The following PPP4R3B variants were observed in gnomAD, a reference collection of about 807,000 sequenced individuals.
PPP4R3B encodes the protein serine/threonine-protein phosphatase 4 regulatory subunit 3B.
Under a neutral mutation model 95.4 loss-of-function variants are expected in PPP4R3B, and 52 were observed. The ratio of observed to expected loss-of-function variants is 0.54; its 90% confidence interval spans 0.44 to 0.69. PPP4R3B has a LOEUF of 0.69. Among genes scored for constraint, PPP4R3B ranks in the 30% least tolerant of loss-of-function variants. PPP4R3B has a pLI of 0.00. For missense variants in PPP4R3B, 1,003 were observed against 1,005.9 expected (o/e 1.00, Z 0.04); for synonymous variants, 407 against 343.9 (o/e 1.18, Z -2.03).
intron 16 of PPP4R3B, among the ~76,000 whole-genome samples, chr2:55,554,140 T>C (rs897287991): frequency 2.0e-5 from 3 of 152,154 alleles, no homozygotes; most frequent in Admixed American, 6.5e-5. Context: ...TCTCGGCTTA[T>C]TGCAACCTCT....
chr2:55,560,872 A>G (rs1378439284), intron 15 of PPP4R3B, among the ~76,000 whole-genome samples: 1 of 151,754 alleles, frequency 6.6e-6, no homozygotes, highest in Non-Finnish European at 1.5e-5. Context: ...AGATGGTCTG[A>G]AATTAGAATT....
At chr2:55,552,631 T>G (rs913965824) in intron 16 of PPP4R3B, among the ~76,000 whole-genome samples, 1 of 152,172 alleles carries the variant, frequency 6.6e-6, no homozygotes, top group Admixed American at 6.5e-5. Context: ...TGGCCTCAAG[T>G]GATCTGCCCA....
intron 16 of PPP4R3B, among the ~76,000 whole-genome samples, chr2:55,557,734 G>A (rs1285541272): frequency 2.0e-5 from 3 of 151,952 alleles, no homozygotes; most frequent in African/African-American, 4.8e-5. Context: ...CTACCACGGT[G>A]TTTCTGCTTG....
intron 2 of PPP4R3B, among the ~76,000 whole-genome samples, chr2:55,610,635 TATA>T (rs1372158286): frequency 6.6e-6 from 1 of 152,226 alleles, no homozygotes; most frequent in East Asian, 1.9e-4. Flanking sequence ...ATACCTGCTG[TATA>T]ATCTCAGTCA....
intron 4 of PPP4R3B, among the ~76,000 whole-genome samples, chr2:55,590,320 T>G (rs1015392527): frequency 2.6e-5 from 4 of 152,026 alleles, no homozygotes; most frequent in African/African-American, 9.7e-5. Flanking sequence ...AGAGTGAAAC[T>G]CCGTCTCAAC....
At chr2:55,606,593 G>C (rs867653692) in intron 2 of PPP4R3B, among the ~76,000 whole-genome samples, 2 of 151,690 alleles carry the variant, frequency 1.3e-5, no homozygotes, top group Non-Finnish European at 2.9e-5. Flanking sequence ...AGGCCGAGGC[G>C]GGCGGATCAC....
intron 2 of PPP4R3B, among the ~76,000 whole-genome samples, chr2:55,610,249 G>A (rs924170818): frequency 6.6e-6 from 1 of 152,064 alleles, no homozygotes; most frequent in Non-Finnish European, 1.5e-5. Context: ...TATTGCAAAA[G>A]GTCTTGCTAC....
chr2:55,554,912 G>A (rs1428779418), intron 16 of PPP4R3B, among the ~76,000 whole-genome samples: 1 of 152,124 alleles, frequency 6.6e-6, no homozygotes, highest in East Asian at 1.9e-4. Flanking sequence ...TTTGAGAGGA[G>A]TTTTGGATAT....
chr2:55,578,948 G>A (rs187328671), intron 9 of PPP4R3B, among the ~76,000 whole-genome samples: 86 of 152,166 alleles, frequency 5.7e-4, no homozygotes, highest in South Asian at 8.3e-4. Flanking sequence ...TAACATATGA[G>A]ACTGATGAAA....
At position 55,549,986 on chromosome 2, in the gene PPP4R3B, C is replaced by T. The variant is rs1438722279; in HGVS notation, c.2475G>A (p.Val825=). 2 of 1,608,310 alleles carry T rather than the reference C, an allele frequency of 1.2e-6. No individual in the cohort carries two copies. Among genetic ancestry groups the T allele is most frequent in the East Asian group, 2.2e-5 (1 of 44,770 alleles). Residue 825 remains valine (V), a synonymous_variant, in exon 17 of 17, where the codon GTG becomes GTA. Coordinates refer to ENST00000616407, the MANE Select transcript of PPP4R3B (RefSeq NM_001122964.3). ...TATKGSLVGL[V]DYPDDEEEDE... is the part of the protein sequence containing the mutation. ...CTTCCTCTTCATCATCTGGATAATC[C>T]ACTAAGCCAACCAAACTTCCCTATT... is the stretch of plus-strand genomic sequence containing the variant.
rs1333171476 is a variant in PPP4R3B at position 55,617,194 on chromosome 2, T to C, written c.92A>G (p.Tyr31Cys). The change falls in exon 1 of 17, where the codon TAC becomes TGC. Residue 31 changes from tyrosine (Y) to cysteine (C), a missense_variant. Tyr to Cys is a radical substitution (Grantham distance 194, BLOSUM62 -2). Coordinates refer to ENST00000616407, the MANE Select transcript of PPP4R3B (RefSeq NM_001122964.3). ...CGACATCCCCTTGAGCTCCTCCACG[T>C]AAGTGGAGGAGACGTGCCCGGTGCC... ...DRGTGHVSST[Y>C]VEELKGMSLL... 6.2e-7 allele frequency: 1 copy of C among 1,613,832 alleles called. No individual in the cohort carries two copies. Among genetic ancestry groups the C allele is most frequent in the Non-Finnish European group, 8.5e-7 (1 of 1,179,910 alleles).
intron 12 of PPP4R3B, among the ~76,000 whole-genome samples, chr2:55,572,573 T>C (rs1394750613): frequency 6.6e-6 from 1 of 152,186 alleles, no homozygotes; most frequent in African/African-American, 2.4e-5. Context: ...TAACACTGAA[T>C]GCTGGGACAA....
chr2:55,595,951 T>C (rs1421826470), intron 4 of PPP4R3B, among the ~76,000 whole-genome samples: 2 of 152,296 alleles, frequency 1.3e-5, no homozygotes, highest in South Asian at 4.1e-4. Context: ...TATAGGCTAC[T>C]GTTACAAGTA....
intron 16 of PPP4R3B, among the ~76,000 whole-genome samples, chr2:55,556,770 A>C (rs1348246369): frequency 6.6e-6 from 1 of 152,214 alleles, no homozygotes; most frequent in Non-Finnish European, 1.5e-5. Context: ...ACCCCTTTTT[A>C]AAACAAGAAA....
chr2:55,607,192 C>T (rs916515355), intron 2 of PPP4R3B, among the ~76,000 whole-genome samples: 2 of 152,198 alleles, frequency 1.3e-5, no homozygotes, highest in Non-Finnish European at 2.9e-5. Context: ...CCTTCATCAC[C>T]AAGAAGTGTG....
At chr2:55,597,232 A>C (rs886449458) in intron 4 of PPP4R3B, among the ~76,000 whole-genome samples, 4 of 152,166 alleles carry the variant, frequency 2.6e-5, no homozygotes, top group Non-Finnish European at 2.9e-5. Context: ...CATGCCTGTA[A>C]TCCAAGCACT....
rs756065346 is a variant in PPP4R3B, at chr2:55,558,832, A to G, written c.2397T>C (p.Thr799=). The G allele has an allele frequency of 1.8e-5, 29 of 1,613,404 alleles. No individual in the cohort carries two copies. The South Asian group carries it at 3.2e-4, about 18-fold the overall frequency. ...TGGTTTTGGAAGAGGATCCATTAGA[A>G]GTTGCTGGTGGTATCTGAGCCACTA... ...KSVVAQIPPA[T]SNGSSSKTTN... The change falls in exon 16 of 17, where the codon ACT becomes ACC. Residue 799 remains threonine (T), a synonymous_variant. Coordinates refer to ENST00000616407, the MANE Select transcript of PPP4R3B (RefSeq NM_001122964.3).
At chr2:55,609,679 A>C (rs1240390758) in intron 2 of PPP4R3B, among the ~76,000 whole-genome samples, 2 of 151,912 alleles carry the variant, frequency 1.3e-5, no homozygotes, top group African/African-American at 2.4e-5. Flanking sequence ...AAAAAAAAAA[A>C]AACAAAAAAA....
In PPP4R3B at chr2:55,598,413, T is replaced by C. The variant is rs2103657315; in HGVS notation, c.921+3A>G. 3.7e-6 allele frequency: 6 copies of C among 1,611,578 alleles called. No individual in the cohort carries two copies. In the East Asian group the frequency reaches 1.3e-4, roughly 36 times the overall value. On this transcript the variant is annotated splice_donor_region_variant and intron_variant, in intron 4 of 16. Coordinates refer to ENST00000616407, the MANE Select transcript of PPP4R3B (RefSeq NM_001122964.3). ...GAATCGTGAAGAGTATCTTTTTACT[T>C]ACCTGCAACATGCTGACTATCTCAA...
Sources: gnomAD v4.1 joint callset for allele counts (sites outside exome capture counted in the v4.1 genomes callset) on GRCh38, gnomAD v4.1.1 for gene constraint, MANE v1.5 for transcripts, NCBI Gene and HGNC (gene_info 2026-07-23, HGNC 2026-07-21) for gene names.